GALNT14: variants seen among roughly 807,000 people sequenced by gnomAD.
The protein encoded by GALNT14 is polypeptide N-acetylgalactosaminyltransferase 14, also known as UDP-GalNAc:polypeptide N-acetylgalactosaminyltransferase 14.
A neutral mutation model predicts 77.5 loss-of-function variants in GALNT14; 60 were observed. The ratio of observed to expected loss-of-function variants is 0.77; its 90% CI spans 0.63 to 0.96. The LOEUF is 0.96. Ranked by LOEUF, GALNT14 falls within the 40% of genes least tolerant of loss-of-function variation. The probability of loss-of-function intolerance (pLI) is 0.00; values close to 1 mark genes in which losing one functional copy is unlikely to be tolerated. For synonymous variants in GALNT14, 280 were observed against 281.7 expected (o/e 0.99, Z 0.06); for missense variants, 710 against 731.0 (o/e 0.97, Z 0.33).
intron 1 of GALNT14, among the ~76,000 whole-genome samples, chr2:31,122,457 G>C (rs554743853): frequency 6.6e-6 from 1 of 152,354 alleles, no homozygotes; most frequent in African/African-American, 2.4e-5. Context: ...TGGTCTTGTG[G>C]AGTATGATTC....
chr2:31,056,166 C>A (rs567298206), intron 1 of GALNT14, among the ~76,000 whole-genome samples: 19 of 152,174 alleles, frequency 1.2e-4, no homozygotes, highest in Non-Finnish European at 2.4e-4. Context: ...GAGGGGGACA[C>A]TGTGGGAGCC....
rs151049966 is a variant in GALNT14 at position 30,933,155 on chromosome 2, CA to C, written c.932-962del. On this transcript the variant is annotated intron_variant, in intron 9 of 14. Transcript: ENST00000349752. Reference sequence around the variant, plus strand: ...AAAATTGCCAGTGCATGGTGACATTCAAAAGCAGAATGACTGTGAGTGTTAT... The same window carrying C: ...AAAATTGCCAGTGCATGGTGACATTCAAAGCAGAATGACTGTGAGTGTTAT... Among the ~76,000 whole-genome samples, 11 of 152,232 alleles carry C rather than the reference CA, an allele frequency of 7.2e-5. No individual in the cohort carries two copies. The East Asian group carries it at 7.7e-4, about 11-fold the overall frequency.
At chr2:31,101,359 G>T (rs1439640819) in intron 1 of GALNT14, among the ~76,000 whole-genome samples, 2 of 151,976 alleles carry the variant, frequency 1.3e-5, no homozygotes, top group African/African-American at 2.4e-5. Flanking sequence ...GGATTTCCAT[G>T]TGTGCCTACT....
At chr2:30,982,103 G>A (rs989176234) in intron 2 of GALNT14, among the ~76,000 whole-genome samples, 2 of 152,140 alleles carry the variant, frequency 1.3e-5, no homozygotes, top group Non-Finnish European at 1.5e-5. Flanking sequence ...GTATGCAAAC[G>A]GTCAAGAAAC....
chr2:31,074,139 CAGG>C (rs887029074), intron 1 of GALNT14, among the ~76,000 whole-genome samples: 3 of 151,886 alleles, frequency 2.0e-5, no homozygotes, highest in African/African-American at 7.3e-5. Flanking sequence ...GCTCACTGCC[CAGG>C]AGAAGACACA....
intron 1 of GALNT14, among the ~76,000 whole-genome samples, chr2:31,087,047 T>C (rs575721453): frequency 6.6e-6 from 1 of 152,194 alleles, no homozygotes; most frequent in East Asian, 1.9e-4. Flanking sequence ...TTAGATAGAA[T>C]GGTAGAAGGC....
At chr2:31,014,973 T>G (rs996786909) in intron 1 of GALNT14, among the ~76,000 whole-genome samples, 2 of 152,038 alleles carry the variant, frequency 1.3e-5, no homozygotes, top group Admixed American at 6.5e-5. Context: ...CTCTGAAGAA[T>G]CAACCACTCG....
At chr2:30,942,175 G>A (rs2148280654) in intron 9 of GALNT14, 26 bp downstream of exon 9, 1 of 1,532,686 alleles carries the variant, frequency 6.5e-7, no homozygotes, top group South Asian at 1.1e-5. Flanking sequence ...AACAGCATAG[G>A]TCAGGATGCA....
At chr2:31,052,562 C>A (rs147013278) in intron 1 of GALNT14, among the ~76,000 whole-genome samples, 4 of 152,314 alleles carry the variant, frequency 2.6e-5, no homozygotes, top group South Asian at 4.1e-4. Context: ...CAAGACACCC[C>A]TTCCCACTGC....
intron 2 of GALNT14, among the ~76,000 whole-genome samples, chr2:30,968,766 A>C (rs1302958534): frequency 6.6e-6 from 1 of 152,248 alleles, no homozygotes; most frequent in Non-Finnish European, 1.5e-5. Flanking sequence ...GTTGTTTTAC[A>C]CCACAAAGTT....
In GALNT14 at chr2:30,932,277, G is replaced by A. The variant is rs1665783846; in HGVS notation, c.932-83C>T. 22 of 1,303,030 alleles carry A rather than the reference G, an allele frequency of 1.7e-5. No homozygotes were observed. The South Asian group carries it at 3.8e-4, about 23-fold the overall frequency. 80.7% of individuals were successfully genotyped at this position (1,303,030 alleles called of 1,614,324 possible). On this transcript the variant is annotated intron_variant, in intron 9 of 14. Transcript: ENST00000349752. ...GCCCCAGGTCTAATGAAACGGTGAG[G>A]CCCCCGCAGAGGCGAAAGAACAGAC...
At chr2:30,999,819 A>G (rs1179617588) in intron 1 of GALNT14, among the ~76,000 whole-genome samples, 1 of 152,206 alleles carries the variant, frequency 6.6e-6, no homozygotes, top group Non-Finnish European at 1.5e-5. Context: ...TCCTAAGAAA[A>G]TAAAATATGG....
intron 1 of GALNT14, among the ~76,000 whole-genome samples, chr2:31,086,141 C>T (rs1255039882): frequency 6.6e-6 from 1 of 152,206 alleles, no homozygotes; most frequent in African/African-American, 2.4e-5. Context: ...CATATCATTT[C>T]CCCACCCTGG....
chr2:30,925,078 A>G (rs1426001820), intron 11 of GALNT14, among the ~76,000 whole-genome samples: 1 of 152,176 alleles, frequency 6.6e-6, no homozygotes, highest in Non-Finnish European at 1.5e-5. Flanking sequence ...TTACTTGAAG[A>G]TGGAATTTGG....
At chr2:31,107,446 C>T (rs1677613497) in intron 1 of GALNT14, among the ~76,000 whole-genome samples, 1 of 152,216 alleles carries the variant, frequency 6.6e-6, no homozygotes, top group South Asian at 2.1e-4. Flanking sequence ...ACACATTACA[C>T]ATTCCACAGA....
chr2:31,038,636 A>G (rs1324134143), intron 1 of GALNT14, among the ~76,000 whole-genome samples: 1 of 151,958 alleles, frequency 6.6e-6, no homozygotes, highest in East Asian at 1.9e-4. Context: ...TTTCACAGCT[A>G]TTGTTGTGAG....
intron 1 of GALNT14, among the ~76,000 whole-genome samples, chr2:31,058,409 G>A (rs8179820): frequency 0.027 from 4,053 of 152,132 alleles, 180 homozygotes; most frequent in East Asian, 0.21. Context: ...GCAGGTGCTG[G>A]GCTCTGAGAA....
chr2:31,055,143 AATT>A (rs1674131688), intron 1 of GALNT14, among the ~76,000 whole-genome samples: 1 of 152,214 alleles, frequency 6.6e-6, no homozygotes, highest in Admixed American at 6.5e-5. Flanking sequence ...CGAAAGCTGG[AATT>A]ATTATTCGCA....
At chr2:30,971,592 G>A (rs1668360569) in intron 2 of GALNT14, among the ~76,000 whole-genome samples, 1 of 152,104 alleles carries the variant, frequency 6.6e-6, no homozygotes, top group African/African-American at 2.4e-5. Flanking sequence ...TTGAACTGGG[G>A]CTCCAAGGGC....
Sources: gnomAD v4.1 joint callset for allele counts (sites outside exome capture counted in the v4.1 genomes callset) on GRCh38, gnomAD v4.1.1 for gene constraint, MANE v1.5 for transcripts, NCBI Gene and HGNC (gene_info 2026-07-23, HGNC 2026-07-21) for gene names.